Variants in SLC43A3 observed in about 807,000 individuals in gnomAD.
SLC43A3 encodes the protein solute carrier family 43 member 3.
A neutral mutation model predicts 53.3 loss-of-function variants in SLC43A3; 33 were observed. The observed-to-expected ratio is 0.62, with a 90% confidence interval of 0.47 to 0.83. The LOEUF (loss-of-function observed/expected upper bound fraction) is 0.83. Ranked by LOEUF, SLC43A3 falls within the 40% of genes least tolerant of loss-of-function variation. The pLI, the probability that SLC43A3 is intolerant of heterozygous loss-of-function variation, is 0.00. For synonymous variants in SLC43A3, 236 were observed against 246.2 expected, an observed-to-expected ratio of 0.96 and a Z score of 0.39; for missense variants, 530 against 610.0, an observed-to-expected ratio of 0.87 and a Z score of 1.38.
At position 57,417,673 on chromosome 11, in the gene SLC43A3, G is replaced by A. The variant is rs967789466; in HGVS notation, c.671+75C>T. 5.8e-6 allele frequency: 9 copies of A among 1,547,670 alleles called. No individual in the cohort carries two copies. The African/African-American group carries it at 8.2e-5, about 14-fold the overall frequency. ...CCAGTCCTCCTCCTCTCCTGTGATA[G>A]GTTTGCTTTACCCTGTCCATCCCAC... On this transcript the variant is annotated intron_variant, in intron 8 of 13. Transcript: ENST00000395124.
intron 11 of SLC43A3, among the ~76,000 whole-genome samples, chr11:57,410,707 A>T (rs1407656494): frequency 6.6e-6 from 1 of 151,864 alleles, no homozygotes; most frequent in Non-Finnish European, 1.5e-5. Context: ...AAATGTATTG[A>T]TATGGTTTGG....
intron 4 of SLC43A3, among the ~76,000 whole-genome samples, chr11:57,424,921 T>C (rs149632909): frequency 6.6e-6 from 1 of 152,260 alleles, no homozygotes; most frequent in East Asian, 1.9e-4. Flanking sequence ...GAGCACGAGA[T>C]TAGGATGCAG....
rs781424633 is a variant in SLC43A3, at chr11:57,409,283, G to A, written c.1263C>T (p.His421=). 13 of 1,614,094 alleles carry A rather than the reference G, an allele frequency of 8.1e-6. No individual in the cohort carries two copies. In the Admixed American group the frequency reaches 2.2e-4, roughly 27 times the overall value. Residue 421 remains histidine, a synonymous_variant, in exon 13 of 14, where the codon CAC becomes CAT. Transcript: ENST00000395124. ...TCACCAGCCCAAAGAGCTTGCCAAA[G>A]TGCTCTGAAGGGAAACTGGGGAGAG... ...AFLTLAFPSE[H]FGKLFGLVMA...
rs757178778 is a variant in SLC43A3 at position 57,409,917 on chromosome 11, C to T, written c.1247+18G>A. The stretch of plus-strand genomic sequence containing the variant: ...CCAGTGTGTCCGTCTCCACAGAGCC[C>T]GCCCCAAGGCCACTTACGCAAGGGT... On this transcript the variant is annotated intron_variant, in intron 12 of 13. Transcript: ENST00000395124. 8.8e-6 allele frequency: 14 copies of T among 1,593,742 alleles called. No homozygotes were observed. In the East Asian group the frequency reaches 9.0e-5, roughly 10 times the overall value.
At chr11:57,425,815 C>A in intron 3 of SLC43A3, 145 bp from the exon 4 acceptor site, 1 of 1,425,444 alleles carries the variant, frequency 7.0e-7, no homozygotes, top group Non-Finnish European at 9.5e-7. Context: ...CTAATTACCC[C>A]TCAGGAGCTG....
rs890900131 is a variant in SLC43A3 at position 57,407,664 on chromosome 11, T to C, written c.*128A>G. On this transcript the variant is annotated 3_prime_UTR_variant, in exon 14 of 14. Coordinates refer to ENST00000395124, the MANE Select transcript of SLC43A3 (RefSeq NM_199329.3). ...CGCAGACGTCCTTGTGTGTCTTTAT[T>C]TTGTGTGTGTGTGTGTGTGTGTGTG... 5 of 602,492 alleles carry C rather than the reference T, an allele frequency of 8.3e-6. No individual in the cohort carries two copies. The Admixed American group carries it at 9.2e-5, about 11-fold the overall frequency. 37.3% of individuals were successfully genotyped at this position (602,492 alleles called of 1,614,324 possible). A position where few individuals can be genotyped will look rare whatever the true frequency, so the allele number is the denominator to read the frequency against.
chr11:57,409,119 G>T, intron 13 of SLC43A3, 56 bp downstream of exon 13: 1 of 1,599,832 alleles, frequency 6.3e-7, no homozygotes, highest in Admixed American at 1.7e-5. Flanking sequence ...ATTTGGGGCA[G>T]CCAAGGCCTA....
At chr11:57,412,910 T>C (rs1000130726) in intron 11 of SLC43A3, among the ~76,000 whole-genome samples, 4 of 152,136 alleles carry the variant, frequency 2.6e-5, no homozygotes, top group South Asian at 2.1e-4. Context: ...ACTAAGTATA[T>C]GGTTGATGGG....
rs776457306 is a variant in SLC43A3, at chr11:57,415,102, G to T, written c.774C>A (p.Thr258=). 2 of 1,607,964 alleles carry T rather than the reference G, an allele frequency of 1.2e-6. No individual in the cohort carries two copies. Among genetic ancestry groups the T allele is most frequent in the Non-Finnish European group, 1.7e-6 (2 of 1,176,962 alleles). ...SKEFLSAKEE[T]PGAGQKQELR... Reference sequence around the variant, plus strand: ...GTTCCTGCTTCTGCCCTGCCCCTGGGGTCTCTAATGGGGAGAGGAGGATCT... The same window carrying T: ...GTTCCTGCTTCTGCCCTGCCCCTGGTGTCTCTAATGGGGAGAGGAGGATCT... Residue 258 remains threonine (T), a synonymous_variant, in exon 10 of 14, where the codon ACC becomes ACA. Transcript: ENST00000395124.
At chr11:57,414,506 CAAAAAAAAA>C (rs397849571) in intron 11 of SLC43A3, 100 bp downstream of exon 11, 19 of 287,852 alleles carry the variant, frequency 6.6e-5, no homozygotes, top group South Asian at 1.2e-4. Context: ...GACTCTATCA[CAAAAAAAAA>C]AAAAAAAAAA....
rs183113015 is a variant in SLC43A3, at chr11:57,409,174, C to A, written c.1371+1G>T. On this transcript the variant is annotated splice_donor_variant, in intron 13 of 13. Transcript: ENST00000395124. LOFTEE classifies it high-confidence loss of function. ...GGGATCCCCATCCTCCCAGTACTCA[C>A]GTAAAATGGGTCATTCTGAAGGGAG... The A allele has an allele frequency of 6.2e-7, 1 of 1,614,184 alleles. No homozygotes were observed. Among genetic ancestry groups the A allele is most frequent in the Admixed American group, 1.7e-5 (1 of 60,026 alleles).
chr11:57,419,536 G>A (rs1942886717), intron 7 of SLC43A3, among the ~76,000 whole-genome samples: 1 of 152,128 alleles, frequency 6.6e-6, no homozygotes, highest in Non-Finnish European at 1.5e-5. Flanking sequence ...GGTGGCTCAT[G>A]CCTGTAATTT....
intron 11 of SLC43A3, 82 bp from the exon 12 acceptor site, chr11:57,410,203 A>G: frequency 3.5e-6 from 4 of 1,150,236 alleles, no homozygotes. Context: ...GATTGGAAAA[A>G]GGGGAGGAGC....
intron 9 of SLC43A3, among the ~76,000 whole-genome samples, chr11:57,416,061 C>T (rs889069857): frequency 2.0e-5 from 3 of 152,212 alleles, no homozygotes; most frequent in African/African-American, 7.2e-5. Context: ...TCATCCTGCT[C>T]ATCTGCTCCT....
intron 5 of SLC43A3, among the ~76,000 whole-genome samples, chr11:57,421,641 A>G: frequency 6.6e-6 from 1 of 152,188 alleles, no homozygotes; most frequent in East Asian, 1.9e-4. Context: ...ACAGAGGCAG[A>G]GCTCTAAGTG....
intron 7 of SLC43A3, 102 bp from the exon 8 acceptor site, chr11:57,417,989 T>C (rs1039707580): frequency 1.1e-5 from 12 of 1,044,866 alleles, no homozygotes; most frequent in South Asian, 1.5e-5. Context: ...CATCAGCAGA[T>C]GAACAGCTAA....
In SLC43A3 at chr11:57,407,441, T is replaced by C. The variant is rs1590668136; in HGVS notation, c.*351A>G. 2.0e-5 allele frequency: 4 copies of C among 200,478 alleles called. No homozygotes were observed. In the East Asian group the frequency reaches 3.8e-4, roughly 19 times the overall value. 12.4% of individuals were successfully genotyped at this position (200,478 alleles called of 1,614,324 possible). A position where few individuals can be genotyped will look rare whatever the true frequency, so the allele number is the denominator to read the frequency against. ...ACCCGTGGCAGAGGATCCAGGCACA[T>C]ATAGGCTTCGGAGCCAAACAGGCCT... On this transcript the variant is annotated 3_prime_UTR_variant, in exon 14 of 14. Coordinates refer to ENST00000395124, the MANE Select transcript of SLC43A3 (RefSeq NM_199329.3).
Position 57,415,092 on chromosome 11 carries a change from C to A in SLC43A3, c.784G>T (p.Gly262Trp). 6.2e-7 allele frequency: 1 copy of A among 1,610,868 alleles called. No homozygotes were observed. Among genetic ancestry groups the A allele is most frequent in the Non-Finnish European group, 8.5e-7 (1 of 1,178,288 alleles). ...AAGGAGCGGAGTTCCTGCTTCTGCCCTGCCCCTGGGGTCTCTAATGGGGAG... is the reference window on the plus strand; with the variant it reads ...AAGGAGCGGAGTTCCTGCTTCTGCCATGCCCCTGGGGTCTCTAATGGGGAG... Reference protein sequence around the residue: ...LSAKEETPGAGQKQELRSFWS... With the variant: ...LSAKEETPGAWQKQELRSFWS... The change falls in exon 10 of 14, where the codon GGG becomes TGG. Residue 262 changes from glycine (G) to tryptophan (W), a missense_variant. Coordinates refer to ENST00000395124, the MANE Select transcript of SLC43A3 (RefSeq NM_199329.3).
chr11:57,426,319 G>A lies in SLC43A3; in HGVS notation c.-147C>T, dbSNP rs1943195798. 11 of 692,308 alleles carry A rather than the reference G, an allele frequency of 1.6e-5. No individual in the cohort carries two copies. Among genetic ancestry groups the A allele is most frequent in the Middle Eastern group, 4.0e-4 (1 of 2,502 alleles). The allele number at this position is 692,308 out of a possible 1,614,324, so 42.9% of individuals were successfully genotyped here. On this transcript the variant is annotated 5_prime_UTR_variant, in exon 3 of 14. An upstream open reading frame in the 5' UTR gains an earlier in-frame stop. Transcript: ENST00000395124. ...GTAGCTCTCTGGTTGTTTCAGGCCT[G>A]GGCAAAAACCATCAGCGGGTGATTC... is the stretch of plus-strand genomic sequence containing the variant.
Sources: allele counts gnomAD v4.1 joint callset (sites outside exome capture counted in the v4.1 genomes callset), GRCh38; gene constraint gnomAD v4.1.1; transcripts MANE v1.5; gene names NCBI Gene and HGNC (gene_info 2026-07-23, HGNC 2026-07-21).